ADAMTSL1: variants seen among roughly 807,000 people sequenced by gnomAD.
ADAMTSL1 encodes the protein ADAMTS like 1.
A neutral mutation model predicts 201.8 loss-of-function variants in ADAMTSL1; 126 were observed. That is an observed-to-expected ratio of 0.62 (90% CI 0.54 to 0.72). The LOEUF (loss-of-function observed/expected upper bound fraction) is 0.72, where lower values mean the gene tolerates loss of function less well. ADAMTSL1 is among the 30% of genes least tolerant of loss of function. ADAMTSL1 has a pLI of 0.00. For synonymous variants in ADAMTSL1, 1,121 were observed against 903.4 expected (o/e 1.24, Z -4.32); for missense variants, 2,679 against 2,277.8 (o/e 1.18, Z -3.59).
At chr9:18,262,105 T>G (rs899877515) in intron 2 of ADAMTSL1, among the ~76,000 whole-genome samples, 1 of 152,216 alleles carries the variant, frequency 6.6e-6, no homozygotes, top group Non-Finnish European at 1.5e-5. Context: ...ACTAATTTGA[T>G]AGATATAGCC....
chr9:18,473,134 GA>G (rs1821285321), upstream of ADAMTSL1, among the ~76,000 whole-genome samples: 1 of 152,174 alleles, frequency 6.6e-6, no homozygotes. Flanking sequence ...ATGGAAAAAT[GA>G]GGTAAAACTC....
intron 1 of ADAMTSL1, among the ~76,000 whole-genome samples, chr9:18,094,470 C>T (rs553026039): frequency 6.6e-6 from 1 of 152,282 alleles, no homozygotes; most frequent in South Asian, 2.1e-4. Context: ...CATTTTAGGT[C>T]TGTCATCCAT....
chr9:18,440,566 T>C (rs1343359127), intron 2 of ADAMTSL1, among the ~76,000 whole-genome samples: 1 of 151,364 alleles, frequency 6.6e-6, no homozygotes, highest in African/African-American at 2.4e-5. Context: ...AAAACAACAC[T>C]TTATTTTAGT....
intron 2 of ADAMTSL1, among the ~76,000 whole-genome samples, chr9:18,242,098 G>A (rs1429816168): frequency 6.6e-6 from 1 of 152,040 alleles, no homozygotes; most frequent in Non-Finnish European, 1.5e-5. Flanking sequence ...GAACATTAAT[G>A]TAAAAATCCT....
At chr9:18,360,538 T>C (rs541782962) in intron 2 of ADAMTSL1, 2 of 152,274 alleles carry the variant, frequency 1.3e-5, no homozygotes, top group South Asian at 2.1e-4. Context: ...AAATGAATGA[T>C]GACCAAATAG....
chr9:18,824,479 C>T (rs1824408338), intron 21 of ADAMTSL1, among the ~76,000 whole-genome samples: 1 of 152,166 alleles, frequency 6.6e-6, no homozygotes, highest in Admixed American at 6.5e-5. Flanking sequence ...GCCTCTCTTT[C>T]TCTAGCCAAT....
chr9:17,994,682 C>A (rs1563939186), intron 1 of ADAMTSL1, among the ~76,000 whole-genome samples: 1 of 152,160 alleles, frequency 6.6e-6, no homozygotes, highest in African/African-American at 2.4e-5. Flanking sequence ...TGAATGCTGT[C>A]AGGTCAGTGG....
intron 1 of ADAMTSL1, among the ~76,000 whole-genome samples, chr9:18,087,517 A>G (rs900169542): frequency 6.6e-6 from 1 of 152,128 alleles, no homozygotes; most frequent in African/African-American, 2.4e-5. Flanking sequence ...AAATCTCTTC[A>G]TAAAATGTAC....
intron 1 of ADAMTSL1, among the ~76,000 whole-genome samples, chr9:17,999,326 T>G (rs1027539708): frequency 6.6e-6 from 1 of 152,032 alleles, no homozygotes; most frequent in East Asian, 1.9e-4. Flanking sequence ...AAGGGGCCAC[T>G]GTGAAAGCTG....
intron 2 of ADAMTSL1, among the ~76,000 whole-genome samples, chr9:18,292,953 A>AGAACCTT (rs1241823457): frequency 1.3e-5 from 2 of 152,228 alleles, no homozygotes; most frequent in Non-Finnish European, 2.9e-5. Flanking sequence ...GTCCTTCTAG[A>AGAACCTT]GAACCTTGAC....
At chr9:18,256,723 C>T (rs2132515594) in intron 2 of ADAMTSL1, among the ~76,000 whole-genome samples, 1 of 152,318 alleles carries the variant, frequency 6.6e-6, no homozygotes, top group South Asian at 2.1e-4. Flanking sequence ...TCATTATTTA[C>T]ATGTGAACCA....
At chr9:18,169,582 T>C (rs1420095059) in intron 2 of ADAMTSL1, among the ~76,000 whole-genome samples, 1 of 152,184 alleles carries the variant, frequency 6.6e-6, no homozygotes, top group East Asian at 1.9e-4. Context: ...TTTGTTCTTT[T>C]GACTTAGGAT....
intron 22 of ADAMTSL1, among the ~76,000 whole-genome samples, chr9:18,828,322 A>G (rs1050862119): frequency 6.6e-6 from 1 of 152,142 alleles, no homozygotes; most frequent in Non-Finnish European, 1.5e-5. Context: ...CAATTGGCCC[A>G]AAAAGAGCTG....
chr9:18,182,600 T>C (rs1563791768), intron 2 of ADAMTSL1, among the ~76,000 whole-genome samples: 1 of 152,118 alleles, frequency 6.6e-6, no homozygotes, highest in Non-Finnish European at 1.5e-5. Flanking sequence ...GAGAGATAAA[T>C]GGTTGAACTG....
chr9:18,198,779 A>C (rs1409963168), intron 2 of ADAMTSL1, among the ~76,000 whole-genome samples: 1 of 132,404 alleles, frequency 7.6e-6, no homozygotes, highest in Non-Finnish European at 1.6e-5. Flanking sequence ...AAAGGACTAT[A>C]AATCATGCTG....
At chr9:18,545,952 C>G (rs1820440876) in intron 3 of ADAMTSL1, among the ~76,000 whole-genome samples, 1 of 152,154 alleles carries the variant, frequency 6.6e-6, no homozygotes, top group Admixed American at 6.5e-5. Context: ...CCAAGATGTG[C>G]TGAAACTCAA....
chr9:18,030,098 A>T (rs905800379), intron 1 of ADAMTSL1, among the ~76,000 whole-genome samples: 2 of 152,192 alleles, frequency 1.3e-5, no homozygotes, highest in Non-Finnish European at 2.9e-5. Flanking sequence ...ACATGCACAC[A>T]TATGTTTATT....
intron 1 of ADAMTSL1, among the ~76,000 whole-genome samples, chr9:18,129,486 C>A (rs1402859130): frequency 6.6e-6 from 1 of 152,152 alleles, no homozygotes; most frequent in South Asian, 2.1e-4. Context: ...GCTTACCTCA[C>A]TTTAGTTCTT....
intron 2 of ADAMTSL1, among the ~76,000 whole-genome samples, chr9:18,438,267 A>C (rs1276317167): frequency 1.3e-5 from 2 of 151,634 alleles, no homozygotes; most frequent in Non-Finnish European, 2.9e-5. Context: ...AAATAGAGGG[A>C]GAGAAAGACT....
Sources: gnomAD v4.1 joint callset for allele counts (sites outside exome capture counted in the v4.1 genomes callset) on GRCh38, gnomAD v4.1.1 for gene constraint, MANE v1.5 for transcripts, NCBI Gene and HGNC (gene_info 2026-07-23, HGNC 2026-07-21) for gene names.